The following PFKFB4 variants were observed in gnomAD, a reference collection of about 807,000 sequenced individuals.
PFKFB4 encodes the protein 6-phosphofructo-2-kinase/fructose-2,6-bisphosphatase 4.
A neutral mutation model predicts 62.8 loss-of-function variants in PFKFB4; 42 were observed. That is an observed-to-expected ratio of 0.67 (90% CI 0.52 to 0.86). The LOEUF (loss-of-function observed/expected upper bound fraction) is 0.86, where lower values mean the gene tolerates loss of function less well. Ranked by LOEUF, PFKFB4 falls within the 40% of genes least tolerant of loss-of-function variation. The pLI is 0.00. For synonymous variants in PFKFB4, 204 were observed against 240.7 expected (o/e 0.85, Z 1.41); for missense variants, 475 against 627.2 (o/e 0.76, Z 2.59).
At chr3:48,546,416 A>T (rs2107569155) in intron 3 of PFKFB4, among the ~76,000 whole-genome samples, 1 of 152,292 alleles carries the variant, frequency 6.6e-6, no homozygotes, top group East Asian at 1.9e-4. Flanking sequence ...GTGTGAGAAC[A>T]TATGCGATCA....
chr3:48,536,253 G>GA lies in PFKFB4; in HGVS notation c.840+2dup. On this transcript the variant is annotated splice_region_variant and intron_variant, in intron 8 of 13. Transcript: ENST00000232375. ...GTGCGCACGCAGGGACACATGCACT[G>GA]ACCTCCCTGCCCCGAGGGGACAGTC... The GA allele has an allele frequency of 6.2e-7, 1 of 1,612,180 alleles. No individual in the cohort carries two copies. The highest frequency in any genetic ancestry group is 8.5e-7 in the Non-Finnish European group (1 of 1,179,098).
intron 8 of PFKFB4, 40 bp from the exon 9 acceptor site, chr3:48,535,698 G>C (rs1370625500): frequency 3.7e-6 from 6 of 1,612,172 alleles, no homozygotes; most frequent in Non-Finnish European, 5.1e-6. Flanking sequence ...CACAGGTCTT[G>C]GGCTGCCCTT....
At position 48,536,357 on chromosome 3, in the gene PFKFB4, C is replaced by T. The variant is rs758913097; in HGVS notation, c.739G>A (p.Val247Met). ...CAGAGGTAGATGGAGCGGGGGGTCA[C>T]GTGGATGTTCATGAGGTAATATACG... ...RIVYYLMNIH[V>M]TPRSIYLCRH... Residue 247 changes from valine to methionine, a missense_variant, in exon 8 of 14, where the codon GTG (valine) becomes ATG (methionine). Coordinates refer to ENST00000232375, the MANE Select transcript of PFKFB4 (RefSeq NM_004567.4). The T allele has an allele frequency of 2.5e-5, 40 of 1,614,056 alleles. No individual in the cohort carries two copies. Among genetic ancestry groups the T allele is most frequent in the East Asian group, 4.5e-5 (2 of 44,888 alleles).
intron 1 of PFKFB4, among the ~76,000 whole-genome samples, chr3:48,555,165 TC>T (rs2043274933): frequency 6.7e-6 from 1 of 148,690 alleles, no homozygotes; most frequent in Non-Finnish European, 1.5e-5. Flanking sequence ...TGGCTCAGCC[TC>T]CCCGCCTCCA....
intron 9 of PFKFB4, among the ~76,000 whole-genome samples, chr3:48,526,940 C>CAAAA (rs777088751): frequency 3.0e-5 from 2 of 65,704 alleles, no homozygotes; most frequent in Admixed American, 1.8e-4. Flanking sequence ...GACTCCATCT[C>CAAAA]AAAAAAAAAA....
chr3:48,522,184 A>C, intron 12 of PFKFB4, 134 bp from the exon 13 acceptor site: 1 of 781,722 alleles, frequency 1.3e-6, no homozygotes, highest in Non-Finnish European at 2.2e-6. Flanking sequence ...TAGTTCTTCC[A>C]CTTTAGGCAG....
chr3:48,555,231 GACAGCACAGCCCC>G (rs780761553), intron 1 of PFKFB4, among the ~76,000 whole-genome samples: 7 of 152,004 alleles, frequency 4.6e-5, no homozygotes, highest in Non-Finnish European at 8.8e-5. Flanking sequence ...GTGCATTATA[GACAGCACAGCCCC>G]ACCAGGACCT....
chr3:48,553,604 G>A (rs2043221261), intron 1 of PFKFB4, among the ~76,000 whole-genome samples: 2 of 152,224 alleles, frequency 1.3e-5, no homozygotes, highest in African/African-American at 2.4e-5. Flanking sequence ...CTCTAGGAGC[G>A]AAGGGGCCCA....
upstream of PFKFB4, chr3:48,562,963 C>G (rs749174738): frequency 1.4e-5 from 23 of 1,605,964 alleles, no homozygotes; most frequent in Non-Finnish European, 1.8e-5. The surrounding 1 kb of genome is among the most constrained non-coding windows in gnomAD (Gnocchi z 4.3). Flanking sequence ...CAGCCCACGG[C>G]CATGTGGGAG....
In PFKFB4 at chr3:48,538,563, C is replaced by T. The variant is rs765051253; in HGVS notation, c.567G>A (p.Glu189=). 4 of 1,614,194 alleles carry T rather than the reference C, an allele frequency of 2.5e-6. No homozygotes were observed. In the South Asian group the frequency reaches 4.4e-5, roughly 18 times the overall value. ...YVNRDSDEAT[E]DFMRRIECYE... ...AGCACTCAATGCGCCTCATGAAGTC[C>T]TCCGTAGCCTCATCACTGTCGCGGT... Residue 189 remains glutamate, a synonymous_variant, in exon 7 of 14, where the codon GAG becomes GAA. Transcript: ENST00000232375.
At chr3:48,529,690 T>C (rs1434920388) in intron 9 of PFKFB4, among the ~76,000 whole-genome samples, 2 of 152,160 alleles carry the variant, frequency 1.3e-5, no homozygotes, top group East Asian at 3.8e-4. Flanking sequence ...TTGAAAGAGA[T>C]TATCAATTCT....
At position 48,536,431 on chromosome 3, in the gene PFKFB4, C is replaced by A. The variant is rs867517000; in HGVS notation, c.665G>T (p.Gly222Val). The A allele has an allele frequency of 6.2e-7, 1 of 1,613,988 alleles. No homozygotes were observed. The highest frequency in any genetic ancestry group is 1.7e-5 in the Admixed American group (1 of 60,028). The part of the protein sequence containing the change: ...DLSYIKIMDV[G>V]QSYVVNRVAD... ...CACACGGTTCACCACGTAGCTCTGGCCCACATCCATGATCTTGATATAGGA... is the reference window on the plus strand; with the variant it reads ...CACACGGTTCACCACGTAGCTCTGGACCACATCCATGATCTTGATATAGGA... The change falls in exon 8 of 14, where the codon GGC becomes GTC. Residue 222 changes from glycine (G) to valine (V), a missense_variant. Gly to Val is a moderately radical substitution (Grantham distance 109). Transcript: ENST00000232375.
intron 4 of PFKFB4, 50 bp from the exon 5 acceptor site, chr3:48,539,821 G>C (rs1167204889): frequency 4.8e-6 from 7 of 1,451,100 alleles, no homozygotes; most frequent in Non-Finnish European, 6.8e-6. Flanking sequence ...GGAAGGAAGG[G>C]GCCAGAGTGG....
chr3:48,544,870 C>T (rs999614821), intron 3 of PFKFB4, among the ~76,000 whole-genome samples: 1 of 151,550 alleles, frequency 6.6e-6, no homozygotes, highest in African/African-American at 2.4e-5. Flanking sequence ...ATTATGGGCA[C>T]GTGCCACCAC....
chr3:48,544,805 C>A (rs544521665), intron 3 of PFKFB4, among the ~76,000 whole-genome samples: 2 of 151,814 alleles, frequency 1.3e-5, no homozygotes, highest in Admixed American at 1.3e-4. Flanking sequence ...CTCACTGTAA[C>A]CTCTGCCTCC....
intron 12 of PFKFB4, among the ~76,000 whole-genome samples, chr3:48,522,610 C>CCTG (rs2042130062): frequency 1.3e-5 from 2 of 152,112 alleles, no homozygotes; most frequent in Admixed American, 1.3e-4. Context: ...CTCACACTGC[C>CCTG]CTGCACCCAG....
chr3:48,543,639 C>A lies in PFKFB4; in HGVS notation c.319G>T (p.Ala107Ser), dbSNP rs2042868056. The A allele has an allele frequency of 6.2e-7, 1 of 1,611,074 alleles. No homozygotes were observed. Among genetic ancestry groups the A allele is most frequent in the South Asian group, 1.1e-5 (1 of 90,108 alleles). Reference sequence around the variant, plus strand: ...CGGACGTCACGGAGGGCTGCCAGGGCACACTGCCTTCAGGAGAGAAAACAC... The same window carrying A: ...CGGACGTCACGGAGGGCTGCCAGGGAACACTGCCTTCAGGAGAGAAAACAC... Reference protein sequence around the residue: ...EEGLKIRKQCALAALRDVRRF... With the variant: ...EEGLKIRKQCSLAALRDVRRF... Residue 107 changes from alanine (A) to serine (S), a missense_variant, in exon 4 of 14, where the codon GCC becomes TCC. Ala to Ser is a moderately conservative substitution (Grantham distance 99). Coordinates refer to ENST00000232375, the MANE Select transcript of PFKFB4 (RefSeq NM_004567.4).
At position 48,521,897 on chromosome 3, in the gene PFKFB4, C is replaced by G; in HGVS notation, c.1350+89G>C. The G allele has an allele frequency of 9.0e-7, 1 of 1,110,046 alleles. No individual in the cohort carries two copies. The allele number at this position is 1,110,046 out of a possible 1,614,324, so 68.8% of individuals were successfully genotyped here. A position where few individuals can be genotyped will look rare whatever the true frequency, so the allele number is the denominator to read the frequency against. On this transcript the variant is annotated intron_variant, in intron 13 of 13. Transcript: ENST00000232375. The surrounding 1 kb of genome is among the most constrained non-coding windows in gnomAD (Gnocchi z 5.3). ...GACTCAAGCTCCCTCTGGCAGGTGCCGCAGCTGGGCCTGGCCCTGGAGGAT... is the reference window on the plus strand; with the variant it reads ...GACTCAAGCTCCCTCTGGCAGGTGCGGCAGCTGGGCCTGGCCCTGGAGGAT...
At chr3:48,537,151 G>C (rs1282779643) in intron 7 of PFKFB4, among the ~76,000 whole-genome samples, 1 of 152,174 alleles carries the variant, frequency 6.6e-6, no homozygotes, top group Non-Finnish European at 1.5e-5. Flanking sequence ...TCTGGGTGTG[G>C]GGGTGCAGGG....
Sources: gnomAD v4.1 joint callset for allele counts (sites outside exome capture counted in the v4.1 genomes callset) on GRCh38, gnomAD v4.1.1 for gene constraint, Gnocchi (gnomAD v3.1) non-coding constraint, MANE v1.5 for transcripts, NCBI Gene and HGNC (gene_info 2026-07-23, HGNC 2026-07-21) for gene names.